ADAMTSL3: variants seen among roughly 807,000 people sequenced by gnomAD.
ADAMTSL3 encodes ADAMTS like 3.
In ADAMTSL3, 128 loss-of-function variants were observed where a neutral mutation model predicts 201.7. That is an observed-to-expected ratio of 0.63 (90% CI 0.55 to 0.73). The LOEUF (loss-of-function observed/expected upper bound fraction) is 0.73. Ranked by LOEUF, ADAMTSL3 falls within the 30% of genes least tolerant of loss-of-function variation. The probability of loss-of-function intolerance (pLI) is 0.00; values close to 1 mark genes in which losing one functional copy is unlikely to be tolerated. For synonymous variants in ADAMTSL3, 738 were observed against 748.4 expected, an observed-to-expected ratio of 0.99 and a Z score of 0.23; for missense variants, 1,990 against 2,119.6, an observed-to-expected ratio of 0.94 and a Z score of 1.20.
At chr15:83,938,962 G>A (rs764970466) in intron 17 of ADAMTSL3, among the ~76,000 whole-genome samples, 36 of 151,950 alleles carry the variant, frequency 2.4e-4, no homozygotes, top group Non-Finnish European at 4.6e-4. Flanking sequence ...TTTTGGATGC[G>A]CTAATTCAAA....
intron 4 of ADAMTSL3, among the ~76,000 whole-genome samples, chr15:83,802,728 G>A (rs1181621367): frequency 6.6e-6 from 1 of 152,188 alleles, no homozygotes; most frequent in Non-Finnish European, 1.5e-5. Flanking sequence ...CAACCTGAGA[G>A]CATTTTTGGG....
chr15:83,783,031 T>A (rs988696415), intron 4 of ADAMTSL3, among the ~76,000 whole-genome samples: 26 of 147,346 alleles, frequency 1.8e-4, no homozygotes, highest in African/African-American at 6.4e-4. Flanking sequence ...ACGTATATAT[T>A]ATATATATAT....
intron 7 of ADAMTSL3, among the ~76,000 whole-genome samples, chr15:83,845,719 A>G (rs1018091303): frequency 6.6e-6 from 1 of 152,212 alleles, no homozygotes; most frequent in Admixed American, 6.5e-5. Flanking sequence ...CAAACTTTTA[A>G]TAAAGGGCTT....
At chr15:83,768,936 C>A (rs750553899) in intron 3 of ADAMTSL3, among the ~76,000 whole-genome samples, 9 of 152,252 alleles carry the variant, frequency 5.9e-5, no homozygotes, top group Middle Eastern at 3.4e-3. Flanking sequence ...AAAATCCAAG[C>A]GTCTTCCTGG....
At chr15:83,699,890 A>G (rs1472452731) in intron 2 of ADAMTSL3, among the ~76,000 whole-genome samples, 1 of 152,182 alleles carries the variant, frequency 6.6e-6, no homozygotes, top group Non-Finnish European at 1.5e-5. Context: ...CTAAAATTGA[A>G]CAGTCCTCTC....
chr15:83,673,217 A>T (rs531658033), intron 2 of ADAMTSL3, among the ~76,000 whole-genome samples: 4 of 152,252 alleles, frequency 2.6e-5, no homozygotes, highest in Non-Finnish European at 4.4e-5. Flanking sequence ...CAGTGCGCTT[A>T]GCAACCAGAC....
chr15:84,016,320 C>T (rs1226685451), intron 24 of ADAMTSL3, 63 bp from the exon 25 acceptor site: 3 of 1,331,320 alleles, frequency 2.3e-6, no homozygotes, highest in Non-Finnish European at 3.2e-6. Context: ...TAAGAACACC[C>T]AAGCTGGACC....
intron 7 of ADAMTSL3, among the ~76,000 whole-genome samples, chr15:83,841,101 A>G (rs900946250): frequency 1.3e-5 from 2 of 152,246 alleles, no homozygotes; most frequent in African/African-American, 4.8e-5. Context: ...ATTGACCAGA[A>G]TTATGGTGTG....
intron 4 of ADAMTSL3, among the ~76,000 whole-genome samples, chr15:83,795,395 C>T (rs759994430): frequency 3.9e-5 from 6 of 152,142 alleles, no homozygotes; most frequent in Non-Finnish European, 8.8e-5. Context: ...TCTGTGCCTG[C>T]CCTAGTGATG....
At chr15:83,852,679 T>C (rs1362030385) in intron 7 of ADAMTSL3, among the ~76,000 whole-genome samples, 2 of 152,242 alleles carry the variant, frequency 1.3e-5, no homozygotes, top group South Asian at 2.1e-4. Flanking sequence ...CTTACTGATT[T>C]GTAAACACTC....
At chr15:83,933,727 C>T (rs1447287343) in intron 17 of ADAMTSL3, among the ~76,000 whole-genome samples, 1 of 152,226 alleles carries the variant, frequency 6.6e-6, no homozygotes, top group Non-Finnish European at 1.5e-5. Context: ...TGGTTTCATG[C>T]TCTAGTCCCA....
chr15:83,969,974 G>A (rs764189035), intron 19 of ADAMTSL3, among the ~76,000 whole-genome samples: 6 of 152,180 alleles, frequency 3.9e-5, no homozygotes, highest in Admixed American at 2.0e-4. Flanking sequence ...CTGTTACTCC[G>A]ATTGTGGTAA....
chr15:83,714,540 C>T (rs2061974103), intron 3 of ADAMTSL3, among the ~76,000 whole-genome samples: 1 of 152,158 alleles, frequency 6.6e-6, no homozygotes, highest in African/African-American at 2.4e-5. Flanking sequence ...CCTTGTATAT[C>T]CTTCAGCTCA....
rs531072570 is a variant in ADAMTSL3, at chr15:83,694,865, C to A, written c.70-9524C>A. Among the ~76,000 whole-genome samples the A allele has an allele frequency of 2.2e-4, 34 of 152,268 alleles. No homozygotes were observed. The South Asian group carries it at 6.6e-3, about 30-fold the overall frequency. On this transcript the variant is annotated intron_variant, in intron 2 of 29. Coordinates refer to ENST00000286744, the MANE Select transcript of ADAMTSL3 (RefSeq NM_207517.3). ...CATGTATAAAGCCCAGTGCTGAGCA[C>A]TAAAGAACGTTCAGATATGTAGAGA...
intron 4 of ADAMTSL3, among the ~76,000 whole-genome samples, chr15:83,792,884 C>T (rs183625596): frequency 6.6e-6 from 1 of 152,034 alleles, no homozygotes; most frequent in Non-Finnish European, 1.5e-5. Flanking sequence ...GATATCTGCA[C>T]TTCCATGTTT....
chr15:83,982,601 T>G lies in ADAMTSL3; in HGVS notation c.2973T>G (p.Val991=). Residue 991 remains valine, a synonymous_variant, in exon 21 of 30, where the codon GTT becomes GTG. Coordinates refer to ENST00000286744, the MANE Select transcript of ADAMTSL3 (RefSeq NM_207517.3). Reference sequence around the variant, plus strand: ...TTGCAGGCTCTGCACAGGAAACAGTTGTGCTCAAGCTCATTGGTACTGACA... The same window carrying G: ...TTGCAGGCTCTGCACAGGAAACAGTGGTGCTCAAGCTCATTGGTACTGACA... ...RCIAGSAQET[V]VLKLIGTDNR... is the part of the protein sequence containing the mutation. 6.2e-7 allele frequency: 1 copy of G among 1,614,202 alleles called. No homozygotes were observed. Among genetic ancestry groups the G allele is most frequent in the African/African-American group, 1.3e-5 (1 of 75,064 alleles).
At chr15:83,667,092 T>C (rs1284597133) in intron 2 of ADAMTSL3, among the ~76,000 whole-genome samples, 1 of 152,126 alleles carries the variant, frequency 6.6e-6, no homozygotes, top group Non-Finnish European at 1.5e-5. Context: ...AACTCTCTAC[T>C]TTTGTCATGC....
intron 23 of ADAMTSL3, among the ~76,000 whole-genome samples, chr15:83,997,018 A>G (rs966237925): frequency 6.6e-6 from 1 of 152,170 alleles, no homozygotes; most frequent in African/African-American, 2.4e-5. Flanking sequence ...GACATCATAC[A>G]CTGCTGGTCA....
chr15:83,664,525 C>T (rs905000626), intron 2 of ADAMTSL3, among the ~76,000 whole-genome samples: 3 of 152,230 alleles, frequency 2.0e-5, no homozygotes, highest in African/African-American at 7.2e-5. Flanking sequence ...ACTGTAGATG[C>T]CTTCTTTATT....
Sources: gnomAD v4.1 joint callset for allele counts (sites outside exome capture counted in the v4.1 genomes callset) on GRCh38, gnomAD v4.1.1 for gene constraint, MANE v1.5 for transcripts, NCBI Gene and HGNC (gene_info 2026-07-23, HGNC 2026-07-21) for gene names.